The following HSD17B12 variants were observed in gnomAD, a reference collection of about 807,000 sequenced individuals.
HSD17B12 encodes the protein very-long-chain 3-oxoacyl-CoA reductase.
HSD17B12 carries 32 observed loss-of-function variants against 39.3 expected under a neutral mutation model. That is an observed-to-expected ratio of 0.81 (90% confidence interval 0.61 to 1.09). The LOEUF (loss-of-function observed/expected upper bound fraction) is 1.09. HSD17B12 is among the 50% of genes least tolerant of loss of function. The pLI, the probability that HSD17B12 is intolerant of heterozygous loss-of-function variation, is 0.00. For synonymous variants in HSD17B12, 150 were observed against 146.7 expected, an observed-to-expected ratio of 1.02 and a Z score of -0.16; for missense variants, 342 against 382.9, an observed-to-expected ratio of 0.89 and a Z score of 0.89.
At chr11:43,634,827 C>T in the HSD17B12 span, among the ~76,000 whole-genome samples, 2 of 152,174 alleles carry the variant, frequency 1.3e-5, no homozygotes, top group African/African-American at 4.8e-5. Flanking sequence ...TTAAAGAGGG[C>T]TTCTATTTAA....
chr11:43,630,415 C>T, the HSD17B12 span, among the ~76,000 whole-genome samples: 1 of 152,124 alleles, frequency 6.6e-6, no homozygotes, highest in Non-Finnish European at 1.5e-5. Flanking sequence ...TGTAGGGTGC[C>T]CTTTTGTTTT....
At chr11:43,718,680 C>T (rs944666210) in intron 1 of HSD17B12, 11 of 779,066 alleles carry the variant, frequency 1.4e-5, no homozygotes, top group South Asian at 3.1e-5. Context: ...CACAAGATGG[C>T]GCTGAAAGCA....
the HSD17B12 span, among the ~76,000 whole-genome samples, chr11:43,626,653 AAAT>A: frequency 6.6e-6 from 1 of 151,978 alleles, no homozygotes; most frequent in African/African-American, 2.4e-5. Context: ...TTTCAAAGGA[AAAT>A]AATAATACTT....
chr11:43,615,556 T>C, the HSD17B12 span, among the ~76,000 whole-genome samples: 6 of 152,228 alleles, frequency 3.9e-5, no homozygotes, highest in Non-Finnish European at 7.3e-5. Flanking sequence ...CATTGTCCTC[T>C]GCTTAAGCTA....
chr11:43,765,974 C>T (rs367730958), intron 3 of HSD17B12, among the ~76,000 whole-genome samples: 7 of 152,078 alleles, frequency 4.6e-5, no homozygotes, highest in African/African-American at 9.7e-5. Context: ...TACAGGCGCC[C>T]GCCACTGCGC....
chr11:43,641,522 T>A, the HSD17B12 span, among the ~76,000 whole-genome samples: 1 of 151,960 alleles, frequency 6.6e-6, no homozygotes, highest in East Asian at 1.9e-4. Flanking sequence ...TAATTAAGAT[T>A]TGTGCAGTAA....
At chr11:43,709,410 G>A (rs1950045042) in intron 1 of HSD17B12, among the ~76,000 whole-genome samples, 1 of 152,254 alleles carries the variant, frequency 6.6e-6, no homozygotes, top group Non-Finnish European at 1.5e-5. Context: ...ACAGGCGTGA[G>A]CCACTGCACC....
At chr11:43,749,260 G>A (rs1479021699) in intron 1 of HSD17B12, among the ~76,000 whole-genome samples, 1 of 152,072 alleles carries the variant, frequency 6.6e-6, no homozygotes, top group African/African-American at 2.4e-5. Flanking sequence ...GGGGAGAGGG[G>A]TTATAGACAT....
At chr11:43,602,555 C>T in the HSD17B12 span, among the ~76,000 whole-genome samples, 3 of 152,148 alleles carry the variant, frequency 2.0e-5, no homozygotes, top group Non-Finnish European at 4.4e-5. Flanking sequence ...GCTATATCCT[C>T]ACTGCCTGTA....
chr11:43,566,186 G>A, the HSD17B12 span, among the ~76,000 whole-genome samples: 1 of 152,186 alleles, frequency 6.6e-6, no homozygotes, highest in Non-Finnish European at 1.5e-5. Context: ...GTGGGATGAT[G>A]TATACATACC....
the HSD17B12 span, among the ~76,000 whole-genome samples, chr11:43,571,569 G>A: frequency 6.6e-6 from 1 of 152,226 alleles, no homozygotes; most frequent in Non-Finnish European, 1.5e-5. Context: ...TAGAATGGCT[G>A]AGAGGAGGGC....
intron 6 of HSD17B12, among the ~76,000 whole-genome samples, chr11:43,823,232 G>A (rs968271608): frequency 6.6e-6 from 1 of 151,740 alleles, no homozygotes; most frequent in Non-Finnish European, 1.5e-5. Flanking sequence ...TCCCTTCACT[G>A]AGCATTTCAT....
the HSD17B12 span, among the ~76,000 whole-genome samples, chr11:43,568,526 A>G: frequency 6.6e-6 from 1 of 152,224 alleles, no homozygotes; most frequent in Non-Finnish European, 1.5e-5. Flanking sequence ...TACCACAGTG[A>G]CTAAGAAGAG....
At chr11:43,634,848 G>A in the HSD17B12 span, among the ~76,000 whole-genome samples, 2 of 152,166 alleles carry the variant, frequency 1.3e-5, no homozygotes, top group African/African-American at 4.8e-5. Flanking sequence ...GAACGCGTGT[G>A]TACTGTCACT....
the HSD17B12 span, among the ~76,000 whole-genome samples, chr11:43,617,223 A>C: frequency 6.6e-6 from 1 of 151,972 alleles, no homozygotes; most frequent in Non-Finnish European, 1.5e-5. Context: ...ACTCAGGGAG[A>C]TTTTTCAGTG....
At chr11:43,654,001 G>C in the HSD17B12 span, among the ~76,000 whole-genome samples, 1 of 148,786 alleles carries the variant, frequency 6.7e-6, no homozygotes, top group Admixed American at 6.7e-5. Flanking sequence ...ACTACTTTAC[G>C]GTCCCACCAA....
At chr11:43,640,868 T>C in the HSD17B12 span, 5 of 151,974 alleles carry the variant, frequency 3.3e-5, no homozygotes, top group East Asian at 7.7e-4. Context: ...GACTCAAAAA[T>C]ACAAATATCT....
rs1390903532 is a variant in HSD17B12, at chr11:43,755,076, C to CA, written c.283+955_283+956insA. 4.2e-5 allele frequency: 17 copies of CA among 406,618 alleles called. 1 individual carries two copies. In the Admixed American group the frequency reaches 7.5e-4, roughly 18 times the overall value. The allele number at this position is 406,618 out of a possible 1,614,324, so 25.2% of individuals were successfully genotyped here. A position where few individuals can be genotyped will look rare whatever the true frequency, so the allele number is the denominator to read the frequency against. On this transcript the variant is annotated intron_variant, in intron 3 of 10. Transcript: ENST00000278353. Reference sequence around the variant, plus strand: ...TTATCCTCACAAATCAAATTGTTTACTTATTAAGAGTCAATTTGTGTTTGT... The same window carrying CA: ...TTATCCTCACAAATCAAATTGTTTACATTATTAAGAGTCAATTTGTGTTTGT...
At chr11:43,606,357 T>C in the HSD17B12 span, among the ~76,000 whole-genome samples, 1 of 152,198 alleles carries the variant, frequency 6.6e-6, no homozygotes, top group Admixed American at 6.5e-5. Flanking sequence ...GTTCCCTGAG[T>C]TGCAGGCAGG....
Sources: allele counts gnomAD v4.1 joint callset (sites outside exome capture counted in the v4.1 genomes callset), GRCh38; gene constraint gnomAD v4.1.1; transcripts MANE v1.5; gene names NCBI Gene and HGNC (gene_info 2026-07-23, HGNC 2026-07-21).